Variants in IMMP2L observed in about 807,000 individuals in gnomAD.
IMMP2L encodes mitochondrial inner membrane protease subunit 2.
A neutral mutation model predicts 19.3 loss-of-function variants in IMMP2L; 18 were observed. The ratio of observed to expected loss-of-function variants is 0.93; its 90% CI spans 0.64 to 1.38. The LOEUF (loss-of-function observed/expected upper bound fraction) is 1.38. Ranked by LOEUF, IMMP2L falls within the 40% of genes most tolerant of loss-of-function variation. The probability of loss-of-function intolerance (pLI) is 0.00; values close to 1 mark genes in which losing one functional copy is unlikely to be tolerated. For synonymous variants in IMMP2L, 76 were observed against 73.0 expected, an observed-to-expected ratio of 1.04 and a Z score of -0.21; for missense variants, 233 against 218.2, an observed-to-expected ratio of 1.07 and a Z score of -0.43.
chr7:110,869,469 T>C (rs972302396), intron 5 of IMMP2L, among the ~76,000 whole-genome samples: 1 of 152,112 alleles, frequency 6.6e-6, no homozygotes, highest in Non-Finnish European at 1.5e-5. Context: ...TACATACACA[T>C]ACAACCCACT....
intron 3 of IMMP2L, among the ~76,000 whole-genome samples, chr7:111,467,420 T>C (rs187706183): frequency 6.6e-6 from 1 of 152,308 alleles, no homozygotes; most frequent in African/African-American, 2.4e-5. Flanking sequence ...AAAGGGAATA[T>C]TTTGTTGCAG....
intron 2 of IMMP2L, among the ~76,000 whole-genome samples, chr7:111,504,274 A>G (rs1453911250): frequency 3.9e-5 from 6 of 152,074 alleles, no homozygotes; most frequent in African/African-American, 7.2e-5. Context: ...GGGATGTGAA[A>G]GACCTCTTCA....
chr7:111,263,262 C>T (rs1000659992), intron 3 of IMMP2L, among the ~76,000 whole-genome samples: 10 of 152,010 alleles, frequency 6.6e-5, no homozygotes, highest in Non-Finnish European at 1.5e-4. Context: ...ATGTTGGTGG[C>T]TGGGAGAGGT....
chr7:111,186,793 A>C (rs1808315789), intron 3 of IMMP2L, among the ~76,000 whole-genome samples: 2 of 152,120 alleles, frequency 1.3e-5, no homozygotes, highest in Admixed American at 1.3e-4. Context: ...TCTAAGAATG[A>C]GTCTTACGGC....
chr7:111,043,604 C>G (rs745557851), intron 3 of IMMP2L, among the ~76,000 whole-genome samples: 1 of 152,076 alleles, frequency 6.6e-6, no homozygotes, highest in Non-Finnish European at 1.5e-5. Flanking sequence ...ACAAAAAGAA[C>G]AAACAGAATA....
chr7:111,478,393 A>C (rs1841900488), intron 3 of IMMP2L, among the ~76,000 whole-genome samples: 1 of 151,784 alleles, frequency 6.6e-6, no homozygotes, highest in Admixed American at 6.6e-5. Context: ...ATTGATCATA[A>C]TTTTTTTCTG....
chr7:110,824,470 G>A (rs533430410), intron 5 of IMMP2L, among the ~76,000 whole-genome samples: 11 of 152,218 alleles, frequency 7.2e-5, no homozygotes, highest in African/African-American at 2.4e-4. Flanking sequence ...AGGCTCAAGA[G>A]ATCCTCCCAT....
intron 3 of IMMP2L, among the ~76,000 whole-genome samples, chr7:110,983,861 T>A (rs1821564941): frequency 6.6e-6 from 1 of 151,992 alleles, no homozygotes; most frequent in African/African-American, 2.4e-5. Flanking sequence ...AGATTTTAGT[T>A]TTTAAGCTCT....
chr7:111,229,577 T>TTGATTGTGTGGTTTAAG (rs981828218), intron 3 of IMMP2L, among the ~76,000 whole-genome samples: 3 of 151,998 alleles, frequency 2.0e-5, no homozygotes, highest in African/African-American at 7.2e-5. Context: ...CTTTCTAGGG[T>TTGATTGTGTGGTTTAAG]TGATTGTGTG....
chr7:110,860,865 A>G (rs2129542700), intron 5 of IMMP2L, among the ~76,000 whole-genome samples: 1 of 152,240 alleles, frequency 6.6e-6, no homozygotes, highest in East Asian at 1.9e-4. Context: ...AAATAAAGTC[A>G]GGGCAATCCT....
At chr7:110,729,852 C>A (rs529609728) in intron 5 of IMMP2L, among the ~76,000 whole-genome samples, 12 of 152,168 alleles carry the variant, frequency 7.9e-5, no homozygotes, top group African/African-American at 2.9e-4. Flanking sequence ...GTGCAACAAA[C>A]CACCATGGCA....
intron 5 of IMMP2L, among the ~76,000 whole-genome samples, chr7:110,686,381 C>T (rs1315131670): frequency 2.0e-5 from 3 of 151,904 alleles, no homozygotes; most frequent in Non-Finnish European, 4.4e-5. Context: ...TCATCCACAC[C>T]ATAGTTTCAA....
intron 3 of IMMP2L, among the ~76,000 whole-genome samples, chr7:110,982,534 T>C (rs1048828288): frequency 6.6e-6 from 1 of 152,062 alleles, no homozygotes; most frequent in Admixed American, 6.6e-5. Flanking sequence ...AACTCTCTGA[T>C]CCCTGGAGGT....
At chr7:110,674,584 G>A (rs1016332988) in intron 5 of IMMP2L, among the ~76,000 whole-genome samples, 1 of 152,146 alleles carries the variant, frequency 6.6e-6, no homozygotes. Flanking sequence ...AAACAAAGCA[G>A]CAGTCAGATG....
chr7:111,405,373 C>A (rs1237542629), intron 3 of IMMP2L, among the ~76,000 whole-genome samples: 2 of 151,562 alleles, frequency 1.3e-5, no homozygotes, highest in Non-Finnish European at 2.9e-5. Context: ...ACAAATAACC[C>A]CACACATTAT....
rs139971210 is a variant in IMMP2L at position 111,150,669 on chromosome 7, G to A, written c.240-187104C>T. Reference sequence around the variant, plus strand: ...CATTACTATAGAATTTTACGCTCTCGAAGTAAAAACAATTCTTATATAAAT... The same window carrying A: ...CATTACTATAGAATTTTACGCTCTCAAAGTAAAAACAATTCTTATATAAAT... On this transcript the variant is annotated intron_variant, in intron 3 of 5. Coordinates refer to ENST00000405709, the MANE Select transcript of IMMP2L (RefSeq NM_032549.4). Among the ~76,000 whole-genome samples the A allele has an allele frequency of 4.1e-3, 630 of 152,232 alleles. 7 individuals carry two copies. The highest frequency in any genetic ancestry group is 0.014 in the African/African-American group (582 of 41,540).
chr7:111,063,282 G>T lies in IMMP2L; in HGVS notation c.240-99717C>A, dbSNP rs574915349. On this transcript the variant is annotated intron_variant, in intron 3 of 5. Coordinates refer to ENST00000405709, the MANE Select transcript of IMMP2L (RefSeq NM_032549.4). ...AAAGCCACAGCCCAAGCTGTACCTT[G>T]GCCCCTTTTAGTCATGGCTGGAGCA... 2.0e-5 allele frequency among the ~76,000 whole-genome samples: 3 copies of T among 152,290 alleles called. No homozygotes were observed. The East Asian group carries it at 5.8e-4, about 29-fold the overall frequency.
intron 3 of IMMP2L, among the ~76,000 whole-genome samples, chr7:111,485,377 AT>A (rs997681978): frequency 5.3e-5 from 8 of 151,994 alleles, no homozygotes; most frequent in African/African-American, 1.9e-4. Context: ...AGGTGGATAG[AT>A]TATGAGGTCA....
At chr7:111,164,704 A>G (rs1805636107) in intron 3 of IMMP2L, among the ~76,000 whole-genome samples, 1 of 152,096 alleles carries the variant, frequency 6.6e-6, no homozygotes, top group South Asian at 2.1e-4. Flanking sequence ...GGCATAATTA[A>G]TTATAGGAAT....
Sources: gnomAD v4.1 joint callset for allele counts (sites outside exome capture counted in the v4.1 genomes callset) on GRCh38, gnomAD v4.1.1 for gene constraint, MANE v1.5 for transcripts, NCBI Gene and HGNC (gene_info 2026-07-23, HGNC 2026-07-21) for gene names.